PTPRK: variants seen among roughly 807,000 people sequenced by gnomAD.
The protein encoded by PTPRK is receptor-type tyrosine-protein phosphatase kappa.
In PTPRK, 75 loss-of-function variants were observed where a neutral mutation model predicts 178.0. That is an observed-to-expected ratio of 0.42 (90% CI 0.35 to 0.51). The LOEUF (loss-of-function observed/expected upper bound fraction) is 0.51. PTPRK is among the 20% of genes least tolerant of loss of function. The pLI, the probability that PTPRK is intolerant of heterozygous loss-of-function variation, is 0.02. For missense variants in PTPRK, 1,441 were observed against 1,797.8 expected, an observed-to-expected ratio of 0.80 and a Z score of 3.59; for synonymous variants, 637 against 620.6, an observed-to-expected ratio of 1.03 and a Z score of -0.39.
intron 7 of PTPRK, among the ~76,000 whole-genome samples, chr6:128,114,981 T>TA (rs111742166): frequency 0.083 from 12,433 of 150,130 alleles, 860 homozygotes; most frequent in African/African-American, 0.17. Context: ...ATTCTGCGAT[T>TA]AAAAAAAAAA....
chr6:128,252,002 G>C (rs2128289532), intron 3 of PTPRK, among the ~76,000 whole-genome samples: 2 of 152,270 alleles, frequency 1.3e-5, no homozygotes, highest in East Asian at 3.9e-4. Flanking sequence ...ATGATACTGT[G>C]TTTTGCCTAA....
At chr6:128,051,880 T>TA (rs983972960) in intron 13 of PTPRK, among the ~76,000 whole-genome samples, 1 of 152,150 alleles carries the variant, frequency 6.6e-6, no homozygotes, top group African/African-American at 2.4e-5. Flanking sequence ...ATTTTTTTTT[T>TA]AATCTCAGCC....
chr6:128,399,476 T>C (rs1840748470), intron 1 of PTPRK, among the ~76,000 whole-genome samples: 1 of 152,242 alleles, frequency 6.6e-6, no homozygotes. Context: ...AAAATAGACC[T>C]TTTATAAATG....
At chr6:128,407,544 C>T (rs1425176404) in intron 1 of PTPRK, among the ~76,000 whole-genome samples, 7 of 136,698 alleles carry the variant, frequency 5.1e-5, no homozygotes, top group African/African-American at 1.6e-4. Flanking sequence ...GAGGCTGAGG[C>T]GGGAAGATAT....
chr6:127,998,968 T>G, intron 15 of PTPRK, 64 bp from the exon 16 acceptor site: 1 of 1,343,122 alleles, frequency 7.4e-7, no homozygotes, highest in Non-Finnish European at 1.0e-6. Context: ...AATATATGTA[T>G]CTATGCAATG....
chr6:128,339,933 C>T (rs1831445264), intron 2 of PTPRK, among the ~76,000 whole-genome samples: 1 of 152,030 alleles, frequency 6.6e-6, no homozygotes, highest in South Asian at 2.1e-4. Flanking sequence ...GTAGTTTTGG[C>T]CACTGTTCTA....
chr6:128,380,840 C>T (rs747964759), intron 2 of PTPRK, among the ~76,000 whole-genome samples: 1 of 152,026 alleles, frequency 6.6e-6, no homozygotes, highest in Non-Finnish European at 1.5e-5. Context: ...GGGCACAGCC[C>T]AAACATCTGA....
chr6:128,365,559 A>C (rs1302577262), intron 2 of PTPRK, among the ~76,000 whole-genome samples: 1 of 152,130 alleles, frequency 6.6e-6, no homozygotes, highest in Non-Finnish European at 1.5e-5. Context: ...TCAAGTGACC[A>C]TTCATACTAA....
chr6:128,313,729 C>T (rs1259499478), intron 3 of PTPRK, among the ~76,000 whole-genome samples: 3 of 152,140 alleles, frequency 2.0e-5, no homozygotes, highest in African/African-American at 7.2e-5. Context: ...AGCAAATTAG[C>T]ATCTCCCAAC....
intron 3 of PTPRK, among the ~76,000 whole-genome samples, chr6:128,272,119 A>G (rs542163316): frequency 9.2e-5 from 14 of 152,266 alleles, no homozygotes; most frequent in African/African-American, 3.1e-4. Context: ...AGGATTCCCT[A>G]TTTAATAAAT....
chr6:128,511,924 T>C (rs890126599), intron 1 of PTPRK, among the ~76,000 whole-genome samples: 3 of 152,210 alleles, frequency 2.0e-5, no homozygotes, highest in African/African-American at 4.8e-5. Flanking sequence ...TAGCAGGTCA[T>C]GGGCTCTCAG....
intron 1 of PTPRK, among the ~76,000 whole-genome samples, chr6:128,509,491 T>C (rs1410979566): frequency 6.6e-6 from 1 of 152,180 alleles, no homozygotes; most frequent in Admixed American, 6.5e-5. Flanking sequence ...ATTTCCCTTC[T>C]TCAGCATACA....
chr6:128,500,364 G>T (rs1004101702), intron 1 of PTPRK, among the ~76,000 whole-genome samples: 5 of 129,580 alleles, frequency 3.9e-5, no homozygotes, highest in African/African-American at 1.1e-4. Context: ...CTGAAAATTT[G>T]GGGGGGGGAG....
At chr6:128,371,875 CAAA>C (rs879295294) in intron 2 of PTPRK, among the ~76,000 whole-genome samples, 5 of 131,764 alleles carry the variant, frequency 3.8e-5, no homozygotes, top group African/African-American at 5.9e-5. Context: ...GACCTTGTCT[CAAA>C]AAAAAAAAAA....
intron 7 of PTPRK, among the ~76,000 whole-genome samples, chr6:128,159,599 G>A (rs1047068618): frequency 2.0e-5 from 3 of 151,636 alleles, no homozygotes; most frequent in Non-Finnish European, 4.4e-5. Context: ...ATCAAATATG[G>A]TTTTTGAATG....
chr6:128,248,481 T>G (rs1490005967), intron 3 of PTPRK, among the ~76,000 whole-genome samples: 1 of 152,000 alleles, frequency 6.6e-6, no homozygotes, highest in Non-Finnish European at 1.5e-5. Context: ...AAAAATATAT[T>G]TAAGTATATA....
intron 3 of PTPRK, among the ~76,000 whole-genome samples, chr6:128,268,570 A>G (rs1212295561): frequency 2.0e-5 from 3 of 151,992 alleles, no homozygotes; most frequent in Non-Finnish European, 4.4e-5. Context: ...GTTTACTTAT[A>G]TTTGCCCAAC....
At position 128,005,144 on chromosome 6, in the gene PTPRK, G is replaced by A. The variant is rs1436393002; in HGVS notation, c.2434C>T (p.Leu812=). 1.9e-6 allele frequency: 3 copies of A among 1,611,452 alleles called. No homozygotes were observed. The highest frequency in any genetic ancestry group is 1.7e-4 in the Middle Eastern group (1 of 6,042). Residue 812 remains leucine (L), a synonymous_variant, in exon 15 of 30, where the codon CTG becomes TTG. Transcript: ENST00000368226. ...ATGGAAAGAGGATCTTCTGCATGCA[G>A]AGTGCTCTGATCAGCATAACTTCGA... ...MDRSYADQST[L]HAEDPLSITF...
At chr6:128,022,313 C>T (rs549059701) in intron 13 of PTPRK, among the ~76,000 whole-genome samples, 8 of 152,160 alleles carry the variant, frequency 5.3e-5, no homozygotes, top group Admixed American at 2.0e-4. Context: ...GTGTTGGTAG[C>T]GGGGCTGGAA....
Sources: allele counts gnomAD v4.1 joint callset (sites outside exome capture counted in the v4.1 genomes callset), GRCh38; gene constraint gnomAD v4.1.1; transcripts MANE v1.5; gene names NCBI Gene and HGNC (gene_info 2026-07-23, HGNC 2026-07-21).